CSMD3: variants seen among roughly 807,000 people sequenced by gnomAD.
The protein encoded by CSMD3 is CUB and sushi domain-containing protein 3.
A neutral mutation model predicts 435.2 loss-of-function variants in CSMD3; 177 were observed. The observed-to-expected ratio is 0.41, with a 90% confidence interval of 0.36 to 0.46. CSMD3 has a LOEUF of 0.46. Ranked by LOEUF, CSMD3 falls within the 20% of genes least tolerant of loss-of-function variation. CSMD3 has a pLI of 0.34. For missense variants in CSMD3, 4,265 were observed against 4,504.6 expected, an observed-to-expected ratio of 0.95 and a Z score of 1.52; for synonymous variants, 1,656 against 1,520.5, an observed-to-expected ratio of 1.09 and a Z score of -2.07.
intron 2 of CSMD3, among the ~76,000 whole-genome samples, chr8:113,305,879 C>T (rs550982187): frequency 1.1e-4 from 16 of 152,206 alleles, no homozygotes; most frequent in African/African-American, 3.9e-4. Context: ...TGCCCAATGG[C>T]AATGCAGTAA....
chr8:112,518,898 AC>A (rs1002035751), intron 27 of CSMD3, among the ~76,000 whole-genome samples: 7 of 152,012 alleles, frequency 4.6e-5, no homozygotes, highest in African/African-American at 1.7e-4. Flanking sequence ...ACTACATCTT[AC>A]CATGGCAGAG....
At chr8:113,335,289 T>C (rs2094063519) in intron 1 of CSMD3, among the ~76,000 whole-genome samples, 1 of 152,070 alleles carries the variant, frequency 6.6e-6, no homozygotes, top group African/African-American at 2.4e-5. Flanking sequence ...TTCTTTATAA[T>C]TACCCAGTCT....
chr8:113,122,868 AT>A (rs1177932362), intron 4 of CSMD3, among the ~76,000 whole-genome samples: 1 of 152,028 alleles, frequency 6.6e-6, no homozygotes, highest in African/African-American at 2.4e-5. Flanking sequence ...TAATACAAAC[AT>A]TTGTAACATG....
intron 31 of CSMD3, among the ~76,000 whole-genome samples, chr8:112,482,371 A>G (rs1819707828): frequency 6.6e-6 from 1 of 152,226 alleles, no homozygotes. Context: ...ACCCCAATTA[A>G]AAAATTGGGA....
At chr8:112,290,277 A>G (rs745593028) in intron 56 of CSMD3, among the ~76,000 whole-genome samples, 5 of 152,026 alleles carry the variant, frequency 3.3e-5, no homozygotes, top group Non-Finnish European at 7.4e-5. Context: ...ATCATACAGC[A>G]CATGAGGACA....
intron 61 of CSMD3, among the ~76,000 whole-genome samples, chr8:112,256,932 A>G (rs1471785955): frequency 6.6e-6 from 1 of 152,156 alleles, no homozygotes; most frequent in Admixed American, 6.5e-5. Context: ...ATGGGAATAA[A>G]CTTGGCATGC....
At chr8:112,501,312 T>C (rs1305331396) in intron 30 of CSMD3, among the ~76,000 whole-genome samples, 1 of 150,752 alleles carries the variant, frequency 6.6e-6, no homozygotes, top group Non-Finnish European at 1.5e-5. Flanking sequence ...AATAATTGAA[T>C]GAACTCGGGA....
At chr8:113,043,481 T>C (rs1325119668) in intron 5 of CSMD3, among the ~76,000 whole-genome samples, 3 of 152,182 alleles carry the variant, frequency 2.0e-5, no homozygotes, top group Admixed American at 2.0e-4. Flanking sequence ...GAGCTCAGTA[T>C]CCTCAGTATC....
Position 113,281,124 on chromosome 8 carries a change from T to G in CSMD3, c.402-2420A>C, listed in dbSNP as rs181176183. On this transcript the variant is annotated intron_variant, in intron 2 of 70. Coordinates refer to ENST00000297405, the MANE Select transcript of CSMD3 (RefSeq NM_198123.2). ...CTTGTAGAAAGTTTCATGCATTGTTTAATAGAATGTGTATTCTATGGTTGT... is the reference window on the plus strand; with the variant it reads ...CTTGTAGAAAGTTTCATGCATTGTTGAATAGAATGTGTATTCTATGGTTGT... Among the ~76,000 whole-genome samples the G allele has an allele frequency of 8.6e-5, 13 of 151,952 alleles. No individual in the cohort carries two copies. In the East Asian group the frequency reaches 2.5e-3, roughly 29 times the overall value.
chr8:112,765,117 C>G (rs1014808102), intron 13 of CSMD3, among the ~76,000 whole-genome samples: 1 of 151,158 alleles, frequency 6.6e-6, no homozygotes, highest in Non-Finnish European at 1.5e-5. Flanking sequence ...TTTTACACAA[C>G]AGATGACGGG....
intron 38 of CSMD3, among the ~76,000 whole-genome samples, chr8:112,378,656 C>A (rs1829183237): frequency 6.6e-6 from 1 of 151,980 alleles, no homozygotes; most frequent in Admixed American, 6.6e-5. Context: ...CAGAGGCTGA[C>A]TTGGAAGGCA....
intron 31 of CSMD3, among the ~76,000 whole-genome samples, chr8:112,487,670 G>C (rs190995562): frequency 3.3e-5 from 5 of 152,156 alleles, no homozygotes; most frequent in Admixed American, 3.3e-4. Flanking sequence ...AACTAGTTAG[G>C]AAAGAGGAAA....
chr8:113,360,800 C>G (rs1461427594), intron 1 of CSMD3, among the ~76,000 whole-genome samples: 1 of 151,896 alleles, frequency 6.6e-6, no homozygotes, highest in Admixed American at 6.6e-5. Flanking sequence ...GTCTCGATCT[C>G]CTGACCTCGT....
chr8:113,166,311 G>T (rs1400794155), intron 4 of CSMD3, among the ~76,000 whole-genome samples: 2 of 151,946 alleles, frequency 1.3e-5, no homozygotes, highest in African/African-American at 2.4e-5. Context: ...TCAAGGCCAG[G>T]CTGACCAATA....
chr8:112,771,538 C>CA (rs1436869122), intron 13 of CSMD3, among the ~76,000 whole-genome samples: 2 of 148,630 alleles, frequency 1.3e-5, no homozygotes, highest in South Asian at 2.1e-4. Flanking sequence ...GACTCTGTCT[C>CA]AAAAAAAGAA....
intron 32 of CSMD3, among the ~76,000 whole-genome samples, chr8:112,455,038 A>G (rs7832422): frequency 0.43 from 64,752 of 151,530 alleles, 14,826 homozygotes; most frequent in Middle Eastern, 0.61. Context: ...TTAAAAAAAA[A>G]AAAACCAACC....
intron 11 of CSMD3, among the ~76,000 whole-genome samples, chr8:112,850,135 A>G (rs1168601145): frequency 1.3e-5 from 2 of 152,128 alleles, no homozygotes; most frequent in African/African-American, 4.8e-5. Flanking sequence ...ATTGTTATTT[A>G]CTATTATTCT....
chr8:112,724,320 T>C (rs1382856745), intron 13 of CSMD3, among the ~76,000 whole-genome samples: 1 of 152,026 alleles, frequency 6.6e-6, no homozygotes, highest in African/African-American at 2.4e-5. Flanking sequence ...GGTATAGTTA[T>C]TGCCTTAATC....
At chr8:112,604,556 G>A (rs4876477) in intron 22 of CSMD3, among the ~76,000 whole-genome samples, 91,089 of 151,922 alleles carry the variant, frequency 0.6, 28,363 homozygotes, top group African/African-American at 0.77. Context: ...GCAATAAATA[G>A]GTAGTGTTGA....
Sources: allele counts gnomAD v4.1 joint callset (sites outside exome capture counted in the v4.1 genomes callset), GRCh38; gene constraint gnomAD v4.1.1; transcripts MANE v1.5; gene names NCBI Gene and HGNC (gene_info 2026-07-23, HGNC 2026-07-21).